WNK1: variants seen among roughly 807,000 people sequenced by gnomAD.
The protein encoded by WNK1 is serine/threonine-protein kinase WNK1.
A neutral mutation model predicts 222.8 loss-of-function variants in WNK1; 38 were observed. The observed-to-expected ratio is 0.17, with a 90% confidence interval of 0.13 to 0.22. The LOEUF (loss-of-function observed/expected upper bound fraction) is 0.22. WNK1 is among the 10% of genes least tolerant of loss of function. The pLI is 1.00. For missense variants in WNK1, 2,348 were observed against 2,918.4 expected (o/e 0.80, Z 4.50); for synonymous variants, 1,090 against 1,092.9 (o/e 1.00, Z 0.05).
In WNK1 at chr12:883,035, C is replaced by A; in HGVS notation, c.3465C>A (p.Asn1155Lys). 6.2e-7 allele frequency: 1 copy of A among 1,612,556 alleles called. No homozygotes were observed. The highest frequency in any genetic ancestry group is 8.5e-7 in the Non-Finnish European group (1 of 1,178,608). ...TCAAATTTGACCTAGATGGTGACAACCCCGAGGAGATAGCAACAATTATGG... is the reference window on the plus strand; with the variant it reads ...TCAAATTTGACCTAGATGGTGACAAACCCGAGGAGATAGCAACAATTATGG... ...VTFKFDLDGD[N>K]PEEIATIMVN... Residue 1155 changes from asparagine to lysine, a missense_variant, in exon 15 of 28, where the codon AAC becomes AAA. Around this residue, in one of 13 missense-constraint regions of WNK1, gnomAD observed 20 missense variants for 65.0 expected, o/e 0.31. Coordinates refer to ENST00000315939, the MANE Select transcript of WNK1 (RefSeq NM_018979.4).
intron 1 of WNK1, among the ~76,000 whole-genome samples, chr12:770,131 T>C (rs1192365548): frequency 2.0e-5 from 3 of 152,108 alleles, no homozygotes; most frequent in African/African-American, 4.8e-5. Flanking sequence ...TGCGCCACCA[T>C]GTCTGGCTAA....
intron 8 of WNK1, among the ~76,000 whole-genome samples, chr12:864,537 T>C (rs1419421781): frequency 6.6e-6 from 1 of 152,222 alleles, no homozygotes. Flanking sequence ...TAGTAGATCA[T>C]GACTTTTTTA....
intron 23 of WNK1, 100 bp from the exon 24 acceptor site, chr12:895,971 C>T (rs1954703899): frequency 4.0e-6 from 6 of 1,504,498 alleles, no homozygotes; most frequent in Non-Finnish European, 5.5e-6. Flanking sequence ...TACTCTTTGA[C>T]AGGGAAATAA....
At position 911,407 on chromosome 12, in the gene WNK1, C is replaced by CTT; in HGVS notation, c.*2616_*2617dup. 1 of 398,598 alleles carries CTT rather than the reference C, an allele frequency of 2.5e-6. No individual in the cohort carries two copies. The highest frequency in any genetic ancestry group is 4.4e-6 in the Non-Finnish European group (1 of 226,066). 24.7% of individuals were successfully genotyped at this position (398,598 alleles called of 1,614,324 possible). A position where few individuals can be genotyped will look rare whatever the true frequency, so the allele number is the denominator to read the frequency against. ...TGCTTCAGTTTGTTACCTTTGTAGACTTATTTAATGAAACCATTCAAATAA... is the reference window on the plus strand; with the variant it reads ...TGCTTCAGTTTGTTACCTTTGTAGACTTTTATTTAATGAAACCATTCAAATAA... On this transcript the variant is annotated 3_prime_UTR_variant, in exon 28 of 28. Transcript: ENST00000315939.
rs533590037 is a variant in WNK1 at position 802,439 on chromosome 12, C to T, written c.760-11203C>T. Among the ~76,000 whole-genome samples the T allele has an allele frequency of 6.6e-4, 101 of 152,228 alleles. 1 individual carries two copies. The highest frequency in any genetic ancestry group is 1.4e-3 in the Admixed American group (21 of 15,288). ...TAAATATGAGAAGGGAGTTTGACTTCCACTTGTGTGTCAGACAGCGGGGTC... is the reference window on the plus strand; with the variant it reads ...TAAATATGAGAAGGGAGTTTGACTTTCACTTGTGTGTCAGACAGCGGGGTC... On this transcript the variant is annotated intron_variant, in intron 1 of 27. Coordinates refer to ENST00000315939, the MANE Select transcript of WNK1 (RefSeq NM_018979.4).
chr12:811,051 G>A lies in WNK1; in HGVS notation c.760-2591G>A, dbSNP rs1435198633. Among the ~76,000 whole-genome samples the A allele has an allele frequency of 2.0e-5, 3 of 152,288 alleles. No individual in the cohort carries two copies. The East Asian group carries it at 5.8e-4, about 29-fold the overall frequency. ...TTAGTTTATATTGAAGGTAATGAATGCTGCAATTGGGATAGTATAGTATAT... is the reference window on the plus strand; with the variant it reads ...TTAGTTTATATTGAAGGTAATGAATACTGCAATTGGGATAGTATAGTATAT... On this transcript the variant is annotated intron_variant, in intron 1 of 27. Transcript: ENST00000315939.
chr12:804,803 CA>C (rs1179462621), intron 1 of WNK1, among the ~76,000 whole-genome samples: 1 of 151,924 alleles, frequency 6.6e-6, no homozygotes, highest in African/African-American at 2.4e-5. Context: ...TAAGTAGACT[CA>C]GACATTATTT....
chr12:863,827 AT>A (rs1951404591), intron 8 of WNK1, among the ~76,000 whole-genome samples: 1 of 152,196 alleles, frequency 6.6e-6, no homozygotes, highest in African/African-American at 2.4e-5. Flanking sequence ...TGGACAAATT[AT>A]AAGTGAAATT....
chr12:778,661 C>A (rs905659931), intron 1 of WNK1, among the ~76,000 whole-genome samples: 3 of 145,212 alleles, frequency 2.1e-5, no homozygotes, highest in South Asian at 2.1e-4. Context: ...TTTTTAAAGT[C>A]ATTCGTAGAA....
intron 9 of WNK1, among the ~76,000 whole-genome samples, chr12:877,634 TAA>T (rs1246818028): frequency 6.6e-6 from 1 of 152,198 alleles, no homozygotes; most frequent in African/African-American, 2.4e-5. Flanking sequence ...ATTTTTTTAA[TAA>T]AATAAGCAAT....
intron 24 of WNK1, among the ~76,000 whole-genome samples, chr12:897,219 G>T (rs945907638): frequency 1.3e-5 from 2 of 152,074 alleles, no homozygotes; most frequent in Non-Finnish European, 2.9e-5. Context: ...TGTGTGCGTG[G>T]CCTCAAAAGT....
At chr12:804,187 T>C (rs192396722) in intron 1 of WNK1, among the ~76,000 whole-genome samples, 5,515 of 152,258 alleles carry the variant, frequency 0.036, 331 homozygotes, top group African/African-American at 0.12. Flanking sequence ...GCCTCCCCTG[T>C]CCTGAATTTT....
intron 1 of WNK1, among the ~76,000 whole-genome samples, chr12:768,674 G>A (rs1481558411): frequency 6.6e-6 from 1 of 152,152 alleles, no homozygotes; most frequent in African/African-American, 2.4e-5. Context: ...TGTGTACTTG[G>A]TGTGAATACC....
chr12:896,705 A>G lies in WNK1; in HGVS notation c.6218A>G (p.Lys2073Arg), dbSNP rs773713973. ...TCAGATATCGAAGATGAAGACTTAA[A>G]GTTAGAGCTGCGACGACTACGAGAT... ...NESDIEDEDL[K>R]LELRRLRDKH... The change falls in exon 24 of 28, where the codon AAG (lysine) becomes AGG (arginine). Residue 2073 changes from lysine to arginine, a missense_variant. By Grantham distance (26) the Lys-to-Arg change is conservative. Coordinates refer to ENST00000315939, the MANE Select transcript of WNK1 (RefSeq NM_018979.4). 2 of 1,608,932 alleles carry G rather than the reference A, an allele frequency of 1.2e-6. No homozygotes were observed. The highest frequency in any genetic ancestry group is 2.2e-5 in the South Asian group (2 of 90,704).
At chr12:807,293 G>T (rs370628952) in intron 1 of WNK1, among the ~76,000 whole-genome samples, 7 of 128,818 alleles carry the variant, frequency 5.4e-5, no homozygotes, top group African/African-American at 1.8e-4. Context: ...CCCTGTCTCT[G>T]TTTTTTTTTT....
At chr12:893,841 T>TAATAATAATAATAATAATAATAATAAC (rs1954502595) in intron 22 of WNK1, among the ~76,000 whole-genome samples, 1 of 149,832 alleles carries the variant, frequency 6.7e-6, no homozygotes, top group Non-Finnish European at 1.5e-5. Flanking sequence ...ATAATAATAA[T>TAATAATAATAATAATAATAATAATAAC]AATAATTCTG....
At chr12:796,839 T>C (rs936706667) in intron 1 of WNK1, among the ~76,000 whole-genome samples, 1 of 152,032 alleles carries the variant, frequency 6.6e-6, no homozygotes, top group African/African-American at 2.4e-5. Flanking sequence ...TAAGTCTAAT[T>C]ACACTTCTCT....
At chr12:832,986 C>T (rs190864448) in intron 4 of WNK1, among the ~76,000 whole-genome samples, 160 of 152,178 alleles carry the variant, frequency 1.1e-3, no homozygotes, top group African/African-American at 3.7e-3. Context: ...CCCTTTCTTC[C>T]CCTGATGCGT....
intron 9 of WNK1, among the ~76,000 whole-genome samples, chr12:877,043 C>A (rs1952683338): frequency 6.8e-6 from 1 of 146,468 alleles, no homozygotes. Flanking sequence ...AAAGTCAGCC[C>A]TAAACTTCAT....
Sources: gnomAD v4.1 joint callset for allele counts (sites outside exome capture counted in the v4.1 genomes callset) on GRCh38, gnomAD v4.1.1 for gene constraint, gnomAD v4.1.1 regional missense constraint, MANE v1.5 for transcripts, NCBI Gene and HGNC (gene_info 2026-07-23, HGNC 2026-07-21) for gene names.